Variants in PRKACB observed in about 807,000 individuals in gnomAD.
PRKACB encodes cAMP-dependent protein kinase catalytic subunit beta.
In PRKACB, 16 loss-of-function variants were observed where a neutral mutation model predicts 51.4. The observed-to-expected ratio is 0.31, with a 90% CI of 0.21 to 0.47. PRKACB has a LOEUF of 0.47. Ranked by LOEUF, PRKACB falls within the 20% of genes least tolerant of loss-of-function variation. The pLI is 1.00. For synonymous variants in PRKACB, 147 were observed against 154.4 expected, an observed-to-expected ratio of 0.95 and a Z score of 0.35; for missense variants, 309 against 464.5, an observed-to-expected ratio of 0.67 and a Z score of 3.08.
intron 5 of PRKACB, among the ~76,000 whole-genome samples, chr1:84,187,253 A>G (rs1179610889): frequency 6.6e-6 from 1 of 152,188 alleles, no homozygotes; most frequent in East Asian, 1.9e-4. Context: ...ATGAACTGAA[A>G]GAATTTCTTA....
chr1:84,147,864 A>C (rs1414189279), intron 1 of PRKACB, among the ~76,000 whole-genome samples: 1 of 152,144 alleles, frequency 6.6e-6, no homozygotes, highest in African/African-American at 2.4e-5. Context: ...TTAAACTTTA[A>C]AAGTTTTCTA....
At chr1:84,155,696 T>C (rs1655412168) in intron 1 of PRKACB, among the ~76,000 whole-genome samples, 1 of 152,162 alleles carries the variant, frequency 6.6e-6, no homozygotes, top group Non-Finnish European at 1.5e-5. Flanking sequence ...GAATGATATG[T>C]GTCTGAGAGA....
At chr1:84,117,762 T>C (rs966222662) in intron 1 of PRKACB, among the ~76,000 whole-genome samples, 2 of 152,238 alleles carry the variant, frequency 1.3e-5, no homozygotes, top group Non-Finnish European at 2.9e-5. Flanking sequence ...TGATCGTTTA[T>C]GTTGTTTTTA....
intron 5 of PRKACB, among the ~76,000 whole-genome samples, chr1:84,194,928 A>G (rs12090074): frequency 0.015 from 2,233 of 152,276 alleles, 60 homozygotes; most frequent in African/African-American, 0.05. Flanking sequence ...AGAAAAAAAA[A>G]GAATTTTATT....
intron 1 of PRKACB, 147 bp downstream of exon 1, chr1:84,144,695 A>G (rs1389982450): frequency 1.2e-6 from 1 of 847,218 alleles, no homozygotes; most frequent in Admixed American, 3.6e-5. Context: ...AAAGAATTCC[A>G]TAAAAACTTG....
At chr1:84,105,837 CA>C (rs1374000579) in intron 1 of PRKACB, among the ~76,000 whole-genome samples, 2 of 152,014 alleles carry the variant, frequency 1.3e-5, no homozygotes, top group Non-Finnish European at 2.9e-5. Flanking sequence ...CTGGGCCTCC[CA>C]AAGTGCTGGG....
At chr1:84,078,406 C>T in intron 1 of PRKACB, 3 of 1,600,448 alleles carry the variant, frequency 1.9e-6, no homozygotes, top group Non-Finnish European at 2.6e-6. Context: ...ATCCGCTGGG[C>T]GGGCCGGCGC....
chr1:84,125,433 G>C (rs1219426479), intron 1 of PRKACB, among the ~76,000 whole-genome samples: 3 of 152,154 alleles, frequency 2.0e-5, no homozygotes, highest in African/African-American at 7.2e-5. Context: ...AAGTAATCCA[G>C]AGGAATCTAT....
intron 9 of PRKACB, among the ~76,000 whole-genome samples, chr1:84,218,264 A>G (rs1440023826): frequency 2.0e-5 from 3 of 152,190 alleles, no homozygotes; most frequent in African/African-American, 4.8e-5. Flanking sequence ...CCTTCTGTCT[A>G]ACTGTATGTT....
At chr1:84,194,879 A>G (rs1667782376) in intron 5 of PRKACB, among the ~76,000 whole-genome samples, 1 of 152,204 alleles carries the variant, frequency 6.6e-6, no homozygotes, top group Non-Finnish European at 1.5e-5. Context: ...TTGAGGCTGC[A>G]GTGATCATGC....
chr1:84,195,830 T>G (rs746956143), intron 5 of PRKACB, among the ~76,000 whole-genome samples: 5 of 151,770 alleles, frequency 3.3e-5, no homozygotes, highest in Non-Finnish European at 7.4e-5. Flanking sequence ...GAAGAATCGC[T>G]TGAACCCAGG....
At chr1:84,157,438 A>G (rs1286673589) in intron 1 of PRKACB, 3 of 152,112 alleles carry the variant, frequency 2.0e-5, no homozygotes, top group African/African-American at 4.8e-5. Context: ...ATCACTCATT[A>G]TAAGTGTATA....
rs558820231 is a variant in PRKACB at position 84,138,781 on chromosome 1, C to T, written c.47-40396C>T. ...TTATGAACACAAACAGAAAAATCCTCAGTAAAATATTAGTAAGTTGAATCC... is the reference window on the plus strand; with the variant it reads ...TTATGAACACAAACAGAAAAATCCTTAGTAAAATATTAGTAAGTTGAATCC... On this transcript the variant is annotated intron_variant, in intron 1 of 8. Coordinates refer to the PRKACB transcript ENST00000370688. 5.5e-4 allele frequency among the ~76,000 whole-genome samples: 84 copies of T among 152,108 alleles called. 1 individual carries two copies. In the South Asian group the frequency reaches 0.017, roughly 31 times the overall value.
chr1:84,111,435 CCT>C (rs1296951614), intron 1 of PRKACB, among the ~76,000 whole-genome samples: 1 of 151,892 alleles, frequency 6.6e-6, no homozygotes, highest in Non-Finnish European at 1.5e-5. Flanking sequence ...CAAAATTGTT[CCT>C]CTCTTTTCTG....
intron 1 of PRKACB, chr1:84,164,347 G>A: frequency 6.4e-7 from 1 of 1,551,334 alleles, no homozygotes; most frequent in Non-Finnish European, 8.7e-7. Context: ...CTAGCAGTAA[G>A]AGCTGGTGTA....
intron 1 of PRKACB, among the ~76,000 whole-genome samples, chr1:84,147,156 C>T (rs1654215628): frequency 6.6e-6 from 1 of 151,978 alleles, no homozygotes; most frequent in Non-Finnish European, 1.5e-5. Context: ...CCATCAAATA[C>T]TTTTTCTTTC....
At chr1:84,108,824 C>A (rs929518235) in intron 1 of PRKACB, among the ~76,000 whole-genome samples, 2 of 151,896 alleles carry the variant, frequency 1.3e-5, no homozygotes, top group African/African-American at 4.8e-5. Flanking sequence ...TTTTTCTTTG[C>A]ATTTGGATAA....
intron 7 of PRKACB, 115 bp from the exon 8 acceptor site, chr1:84,202,568 G>T: frequency 9.8e-7 from 1 of 1,016,886 alleles, no homozygotes; most frequent in South Asian, 2.1e-5. Flanking sequence ...TAGCTGCTCA[G>T]CAATTGCTTT....
chr1:84,184,155 A>G lies in PRKACB; in HGVS notation c.477+20A>G, dbSNP rs1229441775. On this transcript the variant is annotated intron_variant, in intron 4 of 9. Coordinates refer to ENST00000370685, the MANE Select transcript of PRKACB (RefSeq NM_182948.4). ...TTTAAGGTAAATTTTAGTAATATCTAAATAAGATATTTTCAACCTAAATTT... is the reference window on the plus strand; with the variant it reads ...TTTAAGGTAAATTTTAGTAATATCTGAATAAGATATTTTCAACCTAAATTT... The G allele has an allele frequency of 1.3e-6, 2 of 1,568,240 alleles. No homozygotes were observed. The highest frequency in any genetic ancestry group is 1.9e-5 in the Admixed American group (1 of 51,786).
Sources: gnomAD v4.1 joint callset for allele counts (sites outside exome capture counted in the v4.1 genomes callset) on GRCh38, gnomAD v4.1.1 for gene constraint, MANE v1.5 for transcripts, NCBI Gene and HGNC (gene_info 2026-07-23, HGNC 2026-07-21) for gene names.